Variants in IL6R observed in about 807,000 individuals in gnomAD.
The protein encoded by IL6R is interleukin 6 receptor, also known as interleukin-6 receptor subunit alpha.
IL6R carries 38 observed loss-of-function variants against 48.3 expected under a neutral mutation model. The ratio of observed to expected loss-of-function variants is 0.79; its 90% CI spans 0.61 to 1.03. The LOEUF is 1.03. IL6R is among the 50% of genes least tolerant of loss of function. The pLI is 0.00. For synonymous variants in IL6R, 264 were observed against 256.2 expected, an observed-to-expected ratio of 1.03 and a Z score of -0.29; for missense variants, 534 against 618.3, an observed-to-expected ratio of 0.86 and a Z score of 1.45.
intron 7 of IL6R, 62 bp from the exon 8 acceptor site, chr1:154,449,849 C>A: frequency 9.4e-7 from 1 of 1,065,320 alleles, no homozygotes; most frequent in Non-Finnish European, 1.5e-6. Flanking sequence ...AACTCCTGAA[C>A]TGGTTCTGAA....
intron 1 of IL6R, among the ~76,000 whole-genome samples, chr1:154,413,867 C>A (rs971814764): frequency 6.7e-6 from 1 of 149,922 alleles, no homozygotes; most frequent in South Asian, 2.1e-4. Context: ...CAGGGTCTCA[C>A]GGTGTCACCC....
At chr1:154,453,907 C>T (rs563791519) in intron 8 of IL6R, among the ~76,000 whole-genome samples, 34 of 151,972 alleles carry the variant, frequency 2.2e-4, no homozygotes, top group Non-Finnish European at 4.7e-4. Context: ...TGTGGAGAGC[C>T]CTGGAGGAAA....
In IL6R at chr1:154,467,070, A is replaced by G. The variant is rs1338901428; in HGVS notation, c.*1690A>G. ...AGGAAGCCTCCCACGACTGCCCGGC[A>G]GGGTCCTAGAAATTCCCCACCCTGA... On this transcript the variant is annotated 3_prime_UTR_variant, in exon 10 of 10. Transcript: ENST00000368485. The G allele has an allele frequency of 6.6e-6, 1 of 152,250 alleles. No individual in the cohort carries two copies. The highest frequency in any genetic ancestry group is 1.5e-5 in the Non-Finnish European group (1 of 68,016). 9.4% of individuals were successfully genotyped at this position (152,250 alleles called of 1,614,324 possible). A position where few individuals can be genotyped will look rare whatever the true frequency, so the allele number is the denominator to read the frequency against.
chr1:154,453,051 A>C (rs1690674269), intron 8 of IL6R, among the ~76,000 whole-genome samples: 1 of 150,194 alleles, frequency 6.7e-6, no homozygotes, highest in African/African-American at 2.5e-5. Flanking sequence ...CAAAAAATAC[A>C]AAAATTAGCC....
chr1:154,420,606 A>ACTCACTGCAGCCTCTGC (rs545329514), intron 1 of IL6R, among the ~76,000 whole-genome samples: 4,294 of 151,058 alleles, frequency 0.028, 205 homozygotes, highest in African/African-American at 0.094. Flanking sequence ...GCAGCCTTCG[A>ACTCACTGCAGCCTCTGC]CTCACTGCAG....
chr1:154,410,358 C>A (rs1687951844), intron 1 of IL6R, among the ~76,000 whole-genome samples: 2 of 151,830 alleles, frequency 1.3e-5, no homozygotes, highest in Non-Finnish European at 2.9e-5. Flanking sequence ...CTCAGGTGAT[C>A]CTCCCACCTC....
intron 1 of IL6R, among the ~76,000 whole-genome samples, chr1:154,411,304 T>G (rs1688006467): frequency 6.6e-6 from 1 of 152,116 alleles, no homozygotes. Flanking sequence ...GTGATCTGCC[T>G]GCCTCGGCCT....
In IL6R at chr1:154,415,177, G is replaced by T. The variant is rs527933227; in HGVS notation, c.85+9463G>T. ...AGGACAGGGCCCTAGGTCGCCAGGG[G>T]CCCGGAGCTCAAGGCGCCGGCTGCA... On this transcript the variant is annotated intron_variant, in intron 1 of 9. Transcript: ENST00000368485. 5.0e-4 allele frequency: 361 copies of T among 717,062 alleles called. 2 individuals are homozygous for T. In the South Asian group the frequency reaches 5.1e-3, roughly 10 times the overall value. 44.4% of individuals were successfully genotyped at this position (717,062 alleles called of 1,614,324 possible).
At chr1:154,415,998 G>A (rs1688323961) in intron 1 of IL6R, among the ~76,000 whole-genome samples, 1 of 152,132 alleles carries the variant, frequency 6.6e-6, no homozygotes, top group Non-Finnish European at 1.5e-5. Flanking sequence ...CCATTTTAAA[G>A]TATACAGATC....
At chr1:154,447,686 T>TTTGTGTTTTGTTTTG (rs766130781) in intron 6 of IL6R, among the ~76,000 whole-genome samples, 3 of 148,326 alleles carry the variant, frequency 2.0e-5, no homozygotes, top group Non-Finnish European at 4.5e-5. Context: ...AGCATGCTGT[T>TTTGTGTTTTGTTTTG]TTTTGTTTTG....
intron 1 of IL6R, chr1:154,414,665 T>A: frequency 1.2e-6 from 1 of 855,498 alleles, no homozygotes; most frequent in Non-Finnish European, 2.0e-6. Flanking sequence ...TTGGCGAGGA[T>A]GTTACCCTTG....
rs552611823 is a variant in IL6R at position 154,437,588 on chromosome 1, G to A, written c.949+1478G>A. On this transcript the variant is annotated intron_variant, in intron 6 of 9. Transcript: ENST00000368485. ...GCCACAATGCTAATTTTTTAAAAAT[G>A]TTTTGTAGAGACAGGGTTTCACCAT... is the stretch of plus-strand genomic sequence containing the variant. 380 of 368,176 alleles carry A rather than the reference G, an allele frequency of 1.0e-3. 2 individuals are homozygous for A. Among genetic ancestry groups the A allele is most frequent in the African/African-American group, 7.5e-3 (355 of 47,060 alleles). 22.8% of individuals were successfully genotyped at this position (368,176 alleles called of 1,614,324 possible).
chr1:154,434,243 G>A (rs889916034), intron 3 of IL6R, among the ~76,000 whole-genome samples: 34 of 152,118 alleles, frequency 2.2e-4, no homozygotes, highest in Non-Finnish European at 3.4e-4. Flanking sequence ...GGAGGGAGGC[G>A]GAGGTTGCAG....
chr1:154,414,598 C>T, intron 1 of IL6R: 1 of 760,378 alleles, frequency 1.3e-6, no homozygotes, highest in Non-Finnish European at 2.3e-6. Flanking sequence ...CTTGATGCAC[C>T]CGGCCATCTC....
At position 154,467,115 on chromosome 1, in the gene IL6R, A is replaced by T. The variant is rs1691586845; in HGVS notation, c.*1735A>T. Reference sequence around the variant, plus strand: ...CCCTGAAAGCCCTGAGCTTTCTGCTATCAAAGAGGTTTTAAAAAAATCCCA... The same window carrying T: ...CCCTGAAAGCCCTGAGCTTTCTGCTTTCAAAGAGGTTTTAAAAAAATCCCA... On this transcript the variant is annotated 3_prime_UTR_variant, in exon 10 of 10. Coordinates refer to ENST00000368485, the MANE Select transcript of IL6R (RefSeq NM_000565.4). The T allele has an allele frequency of 6.6e-6, 1 of 152,142 alleles. No individual in the cohort carries two copies. The highest frequency in any genetic ancestry group is 6.6e-5 in the Admixed American group (1 of 15,266). The allele number at this position is 152,142 out of a possible 1,614,324, so 9.4% of individuals were successfully genotyped here.
chr1:154,439,929 C>T, intron 6 of IL6R, among the ~76,000 whole-genome samples: 1 of 151,930 alleles, frequency 6.6e-6, no homozygotes, highest in East Asian at 1.9e-4. Context: ...GACGGAGTCT[C>T]ACTCTGTCAC....
At chr1:154,424,133 C>T (rs1271479675) in intron 1 of IL6R, among the ~76,000 whole-genome samples, 4 of 152,204 alleles carry the variant, frequency 2.6e-5, no homozygotes, top group Non-Finnish European at 5.9e-5. Context: ...TCACACAACA[C>T]GAGAGGGCAC....
At chr1:154,421,592 C>T (rs1570936792) in intron 1 of IL6R, among the ~76,000 whole-genome samples, 2 of 152,176 alleles carry the variant, frequency 1.3e-5, no homozygotes, top group Admixed American at 6.5e-5. Flanking sequence ...TTCAGATACT[C>T]CAGACACCAG....
chr1:154,437,025 CTT>C (rs1413595992), intron 6 of IL6R, among the ~76,000 whole-genome samples: 1 of 152,072 alleles, frequency 6.6e-6, no homozygotes, highest in Non-Finnish European at 1.5e-5. Flanking sequence ...CTTTTGGAAA[CTT>C]ATTATTTAGT....
Sources: allele counts gnomAD v4.1 joint callset (sites outside exome capture counted in the v4.1 genomes callset), GRCh38; gene constraint gnomAD v4.1.1; transcripts MANE v1.5; gene names NCBI Gene and HGNC (gene_info 2026-07-23, HGNC 2026-07-21).